Variants in GLB1 observed in about 807,000 individuals in gnomAD.
The protein encoded by GLB1 is beta-galactosidase.
Under a neutral mutation model 74.0 loss-of-function variants are expected in GLB1, and 56 were observed. That is an observed-to-expected ratio of 0.76 (90% CI 0.61 to 0.94). The LOEUF (loss-of-function observed/expected upper bound fraction) is 0.94, where lower values mean the gene tolerates loss of function less well. GLB1 is among the 40% of genes least tolerant of loss of function. The pLI, the probability that GLB1 is intolerant of heterozygous loss-of-function variation, is 0.00. For missense variants in GLB1, 787 were observed against 845.5 expected, an observed-to-expected ratio of 0.93 and a Z score of 0.86; for synonymous variants, 323 against 323.6, an observed-to-expected ratio of 1.00 and a Z score of 0.02.
intron 13 of GLB1, among the ~76,000 whole-genome samples, chr3:33,017,222 G>A (rs1697270058): frequency 6.6e-6 from 1 of 152,178 alleles, no homozygotes; most frequent in African/African-American, 2.4e-5. Flanking sequence ...AACATGGAGA[G>A]ATAAGACAAA....
intron 1 of GLB1, among the ~76,000 whole-genome samples, chr3:33,082,419 C>T (rs952180381): frequency 1.3e-5 from 2 of 152,218 alleles, no homozygotes; most frequent in Non-Finnish European, 2.9e-5. Flanking sequence ...AAATCTGAAG[C>T]AAGACCACAA....
intron 1 of GLB1, chr3:33,094,251 T>A (rs976066325): frequency 5.0e-5 from 77 of 1,525,910 alleles, no homozygotes; most frequent in Non-Finnish European, 6.6e-5. Flanking sequence ...ACTCTGGAAA[T>A]GAGTTCCTTA....
At chr3:32,979,970 G>A in the GLB1 span, among the ~76,000 whole-genome samples, 6 of 151,800 alleles carry the variant, frequency 4.0e-5, no homozygotes, top group Non-Finnish European at 8.8e-5. Context: ...ATATTTATGG[G>A]TACAATGTGA....
chr3:33,016,289 G>T (rs1697233103), intron 14 of GLB1, among the ~76,000 whole-genome samples: 1 of 152,194 alleles, frequency 6.6e-6, no homozygotes, highest in Non-Finnish European at 1.5e-5. Flanking sequence ...AAACACAGGG[G>T]AAAGGTTCTG....
At chr3:33,042,806 C>A (rs1698561420) in intron 10 of GLB1, among the ~76,000 whole-genome samples, 2 of 152,176 alleles carry the variant, frequency 1.3e-5, no homozygotes, top group Admixed American at 1.3e-4. Context: ...GGAGATATGC[C>A]ACATGGCTCT....
chr3:33,087,224 C>A (rs940587070), intron 1 of GLB1, among the ~76,000 whole-genome samples: 3 of 151,690 alleles, frequency 2.0e-5, no homozygotes, highest in African/African-American at 7.3e-5. Flanking sequence ...CATGAAGAAA[C>A]AGAAAATCTA....
chr3:33,057,961 T>G, intron 6 of GLB1, 128 bp downstream of exon 6: 1 of 1,274,438 alleles, frequency 7.8e-7, no homozygotes, highest in Non-Finnish European at 1.1e-6. Context: ...ATTCTACCTG[T>G]TCCTTGAAAA....
chr3:32,988,185 C>CAAA, the GLB1 span, among the ~76,000 whole-genome samples: 97 of 59,980 alleles, frequency 1.6e-3, 1 homozygote, highest in East Asian at 3.6e-3. Context: ...GACTCCATCT[C>CAAA]AAAAAAAAAA....
At position 33,052,565 on chromosome 3, in the gene GLB1, A is replaced by G. The variant is rs373740689; in HGVS notation, c.793-561T>C. On this transcript the variant is annotated intron_variant, in intron 7 of 15. Transcript: ENST00000307363. ...AGAATCGCTTGAACCCGGGAGGTGGAGAATGCAGTGAGCTGAGATCGCGCC... is the reference window on the plus strand; with the variant it reads ...AGAATCGCTTGAACCCGGGAGGTGGGGAATGCAGTGAGCTGAGATCGCGCC... 157 of 164,080 alleles carry G rather than the reference A, an allele frequency of 9.6e-4. 1 individual carries two copies. The highest frequency in any genetic ancestry group is 3.7e-3 in the African/African-American group (153 of 41,708). The allele number at this position is 164,080 out of a possible 1,614,324, so 10.2% of individuals were successfully genotyped here. A position where few individuals can be genotyped will look rare whatever the true frequency, so the allele number is the denominator to read the frequency against.
chr3:33,081,629 C>T (rs1700327272), intron 1 of GLB1, among the ~76,000 whole-genome samples: 1 of 152,212 alleles, frequency 6.6e-6, no homozygotes, highest in Non-Finnish European at 1.5e-5. Context: ...CCTCTGCAGG[C>T]AAGGGGCGCC....
At chr3:32,989,208 T>C in the GLB1 span, among the ~76,000 whole-genome samples, 2 of 152,200 alleles carry the variant, frequency 1.3e-5, no homozygotes, top group Non-Finnish European at 2.9e-5. Context: ...CTCAGGTTGA[T>C]GTCAGTCTGT....
At position 33,051,458 on chromosome 3, in the gene GLB1, C is replaced by T. The variant is rs140241744; in HGVS notation, c.955+300G>A. Among the ~76,000 whole-genome samples the T allele has an allele frequency of 0.023, 3,492 of 150,798 alleles. 498 individuals are homozygous for T. The East Asian group carries it at 0.4, about 17-fold the overall frequency. ...CTAAAAATGCAAAAACTTAGCCAGG[C>T]ATGGTGGTGCATGCCTGTAATCCCA... On this transcript the variant is annotated intron_variant, in intron 9 of 15. Coordinates refer to ENST00000307363, the MANE Select transcript of GLB1 (RefSeq NM_000404.4).
intron 9 of GLB1, among the ~76,000 whole-genome samples, chr3:33,050,249 A>G (rs958566573): frequency 4.6e-5 from 7 of 152,204 alleles, no homozygotes; most frequent in African/African-American, 1.7e-4. Context: ...AGTTCCTGAA[A>G]CTCTAAACAT....
At chr3:32,976,617 C>T in the GLB1 span, among the ~76,000 whole-genome samples, 84 of 152,272 alleles carry the variant, frequency 5.5e-4, 1 homozygote, top group African/African-American at 1.5e-3. Flanking sequence ...GACTCTTCTC[C>T]GGGAAGCTCC....
At position 33,051,949 on chromosome 3, in the gene GLB1, G is replaced by C; in HGVS notation, c.848C>G (p.Thr283Arg). 6.2e-7 allele frequency: 1 copy of C among 1,614,256 alleles called. No homozygotes were observed. Among genetic ancestry groups the C allele is most frequent in the Non-Finnish European group, 8.5e-7 (1 of 1,180,046 alleles). The change falls in exon 8 of 16, where the codon ACA (threonine) becomes AGA (arginine). Residue 283 changes from threonine (T) to arginine (R), a missense_variant. Coordinates refer to ENST00000307363, the MANE Select transcript of GLB1 (RefSeq NM_000404.4). ...GGAAGCCACTGCTTCGGTCTTGATT[G>C]TGGAGTGAGGTTGGCCCCAGTGATC... The part of the protein sequence containing the change: ...WLDHWGQPHS[T>R]IKTEAVASSL...
At chr3:33,034,277 C>CTGTAT (rs1186066582) in intron 10 of GLB1, 1 of 705,274 alleles carries the variant, frequency 1.4e-6, no homozygotes, top group African/African-American at 1.7e-5. Context: ...AGGGGAAGGC[C>CTGTAT]AATGGGAAGT....
At chr3:33,006,830 C>CCAGG (rs1696807846) in intron 15 of GLB1, among the ~76,000 whole-genome samples, 1 of 152,130 alleles carries the variant, frequency 6.6e-6, no homozygotes, top group African/African-American at 2.4e-5. Flanking sequence ...GAGTCCTGTG[C>CCAGG]CAGGGCCTTT....
At position 33,073,630 on chromosome 3, in the gene GLB1, G is replaced by A. The variant is rs1699972038; in HGVS notation, c.76-917C>T. On this transcript the variant is annotated intron_variant, in intron 1 of 15. Coordinates refer to ENST00000307363, the MANE Select transcript of GLB1 (RefSeq NM_000404.4). ...TTGAACCCGGGAAGCGGAGGTTGCA[G>A]TGAGCTGAGATCACACCACTGCACT... Among the ~76,000 whole-genome samples, 4 of 152,176 alleles carry A rather than the reference G, an allele frequency of 2.6e-5. No homozygotes were observed. In the South Asian group the frequency reaches 8.3e-4, roughly 32 times the overall value.
intron 1 of GLB1, among the ~76,000 whole-genome samples, chr3:33,080,621 GT>G (rs1559416207): frequency 6.6e-6 from 1 of 152,190 alleles, no homozygotes; most frequent in East Asian, 1.9e-4. Flanking sequence ...GCATTCTCTT[GT>G]TTTTTAGGCA....
Sources: allele counts gnomAD v4.1 joint callset (sites outside exome capture counted in the v4.1 genomes callset), GRCh38; gene constraint gnomAD v4.1.1; transcripts MANE v1.5; gene names NCBI Gene and HGNC (gene_info 2026-07-23, HGNC 2026-07-21).